PRKCA: variants seen among roughly 807,000 people sequenced by gnomAD.
PRKCA encodes protein kinase C alpha type.
In PRKCA, 27 loss-of-function variants were observed where a neutral mutation model predicts 87.0. The ratio of observed to expected loss-of-function variants is 0.31; its 90% CI spans 0.23 to 0.43. PRKCA has a LOEUF of 0.43. Among genes scored for constraint, PRKCA ranks in the 20% least tolerant of loss-of-function variants. The pLI is 1.00. For synonymous variants in PRKCA, 329 were observed against 311.1 expected (o/e 1.06, Z -0.61); for missense variants, 518 against 852.3 (o/e 0.61, Z 4.88).
chr17:66,546,236 G>T (rs1007572550), intron 3 of PRKCA, among the ~76,000 whole-genome samples: 1 of 152,006 alleles, frequency 6.6e-6, no homozygotes. Context: ...TCATCCTCTT[G>T]TTCCCTTTTT....
At chr17:66,450,430 C>T (rs1262153383) in intron 2 of PRKCA, among the ~76,000 whole-genome samples, 4 of 152,158 alleles carry the variant, frequency 2.6e-5, no homozygotes, top group East Asian at 1.9e-4. Flanking sequence ...GATGAATGAA[C>T]GTGGGTCCCC....
At chr17:66,370,577 G>A (rs1368488764) in intron 2 of PRKCA, among the ~76,000 whole-genome samples, 7 of 137,174 alleles carry the variant, frequency 5.1e-5, no homozygotes, top group African/African-American at 1.7e-4. Flanking sequence ...TTTGAGACAG[G>A]GTCTCACTCT....
chr17:66,629,536 T>TG (rs1455301674), intron 3 of PRKCA, among the ~76,000 whole-genome samples: 14 of 152,218 alleles, frequency 9.2e-5, no homozygotes, highest in Admixed American at 2.6e-4. Flanking sequence ...GACTTGGCCA[T>TG]GAATTCTTAT....
intron 3 of PRKCA, among the ~76,000 whole-genome samples, chr17:66,566,472 GTTTTTTGGTTTTT>G (rs1968892582): frequency 1.5e-5 from 1 of 66,168 alleles, no homozygotes; most frequent in South Asian, 5.4e-4. Flanking sequence ...AACTGTTGTT[GTTTTTTGGTTTTT>G]TTTTTTTTTT....
chr17:66,526,270 G>A (rs561519721), intron 3 of PRKCA, among the ~76,000 whole-genome samples: 73 of 152,264 alleles, frequency 4.8e-4, no homozygotes, highest in African/African-American at 1.7e-3. Context: ...TAAATAAGTG[G>A]TTTGGTTTAT....
chr17:66,336,503 G>C (rs1906668725), intron 2 of PRKCA, among the ~76,000 whole-genome samples: 1 of 152,106 alleles, frequency 6.6e-6, no homozygotes, highest in South Asian at 2.1e-4. Context: ...ACCTCAAGAT[G>C]TAAACTAAAG....
chr17:66,761,878 C>T, intron 13 of PRKCA, among the ~76,000 whole-genome samples: 1 of 152,106 alleles, frequency 6.6e-6, no homozygotes, highest in Non-Finnish European at 1.5e-5. Flanking sequence ...TGATACCTAG[C>T]AGAGTGCCCA....
At chr17:66,575,475 G>C (rs1388244431) in intron 3 of PRKCA, among the ~76,000 whole-genome samples, 1 of 152,198 alleles carries the variant, frequency 6.6e-6, no homozygotes, top group Non-Finnish European at 1.5e-5. Flanking sequence ...AGCTACTCGG[G>C]AGGCTGAGGC....
At chr17:66,378,181 G>C (rs1035525971) in intron 2 of PRKCA, among the ~76,000 whole-genome samples, 3 of 152,220 alleles carry the variant, frequency 2.0e-5, no homozygotes, top group Admixed American at 1.3e-4. Context: ...AAATTAGCTG[G>C]CTGTGGTGGC....
intron 3 of PRKCA, among the ~76,000 whole-genome samples, chr17:66,581,427 C>T (rs1969427504): frequency 6.6e-6 from 1 of 152,160 alleles, no homozygotes; most frequent in Admixed American, 6.5e-5. Context: ...ACTTTTTAAA[C>T]TTGAACCATA....
intron 3 of PRKCA, among the ~76,000 whole-genome samples, chr17:66,625,558 C>T (rs1053352722): frequency 6.6e-6 from 1 of 152,202 alleles, no homozygotes; most frequent in Non-Finnish European, 1.5e-5. Flanking sequence ...AGCATTATCA[C>T]TTATTTTCAT....
At chr17:66,699,320 T>A (rs56343783) in intron 8 of PRKCA, among the ~76,000 whole-genome samples, 1 of 150,640 alleles carries the variant, frequency 6.6e-6, no homozygotes, top group Non-Finnish European at 1.5e-5. Flanking sequence ...AGAAGACCAA[T>A]GAATAAAATC....
chr17:66,441,938 C>T (rs1913786624), intron 2 of PRKCA, among the ~76,000 whole-genome samples: 3 of 152,152 alleles, frequency 2.0e-5, no homozygotes, highest in South Asian at 2.1e-4. Flanking sequence ...GATGGACGGG[C>T]GGACAGATGG....
intron 5 of PRKCA, among the ~76,000 whole-genome samples, chr17:66,671,700 T>G (rs1330569462): frequency 3.3e-5 from 5 of 152,114 alleles, no homozygotes; most frequent in Admixed American, 1.3e-4. Context: ...GCAGTGGAAG[T>G]AGAATTGCCC....
At chr17:66,544,669 T>A (rs1968092324) in intron 3 of PRKCA, among the ~76,000 whole-genome samples, 1 of 152,190 alleles carries the variant, frequency 6.6e-6, no homozygotes, top group African/African-American at 2.4e-5. Flanking sequence ...CTCAGCTCAC[T>A]GCAACCTCCA....
intron 2 of PRKCA, among the ~76,000 whole-genome samples, chr17:66,432,106 A>G (rs1212228288): frequency 6.6e-6 from 1 of 152,214 alleles, no homozygotes; most frequent in Non-Finnish European, 1.5e-5. Context: ...TAAATTTATT[A>G]CTCATGCAAG....
intron 3 of PRKCA, among the ~76,000 whole-genome samples, chr17:66,605,154 C>T (rs12449857): frequency 6.6e-5 from 10 of 152,184 alleles, no homozygotes; most frequent in Admixed American, 5.9e-4. Flanking sequence ...TTATTCCAAG[C>T]ATGGGGCCAA....
chr17:66,303,030 T>G lies in PRKCA; in HGVS notation c.173+6T>G. 15 of 1,606,328 alleles carry G rather than the reference T, an allele frequency of 9.3e-6. No homozygotes were observed. The highest frequency in any genetic ancestry group is 1.3e-5 in the Non-Finnish European group (15 of 1,176,562). The stretch of plus-strand genomic sequence containing the variant: ...CACTGCACCGACTTCATCTGGTAGG[T>G]GCCGGGCCGGGCACTCCTGCCCCGC... On this transcript the variant is annotated splice_donor_region_variant and intron_variant, in intron 1 of 16. Transcript: ENST00000413366.
intron 2 of PRKCA, among the ~76,000 whole-genome samples, chr17:66,417,874 T>C (rs990415451): frequency 2.0e-5 from 3 of 152,162 alleles, no homozygotes; most frequent in Admixed American, 6.5e-5. Flanking sequence ...CCAGGATGCA[T>C]GCAACTGGGA....
Sources: allele counts gnomAD v4.1 joint callset (sites outside exome capture counted in the v4.1 genomes callset), GRCh38; gene constraint gnomAD v4.1.1; transcripts MANE v1.5; gene names NCBI Gene and HGNC (gene_info 2026-07-23, HGNC 2026-07-21).